DNAH5: variants seen among roughly 807,000 people sequenced by gnomAD.
DNAH5 encodes the protein dynein axonemal heavy chain 5, also known as axonemal beta dynein heavy chain 5.
Under a neutral mutation model 518.2 loss-of-function variants are expected in DNAH5, and 372 were observed. The observed-to-expected ratio is 0.72, with a 90% CI of 0.66 to 0.78. The LOEUF is 0.78. Among genes scored for constraint, DNAH5 ranks in the 30% least tolerant of loss-of-function variants. DNAH5 has a pLI of 0.00. For synonymous variants in DNAH5, 2,039 were observed against 2,025.9 expected, an observed-to-expected ratio of 1.01 and a Z score of -0.17; for missense variants, 5,523 against 5,687.0, an observed-to-expected ratio of 0.97 and a Z score of 0.93.
intron 38 of DNAH5, among the ~76,000 whole-genome samples, chr5:13,826,862 G>A (rs1762955135): frequency 6.6e-6 from 1 of 152,160 alleles, no homozygotes; most frequent in Non-Finnish European, 1.5e-5. Flanking sequence ...AAGAAATGTG[G>A]GAAAGTTTGG....
At chr5:13,852,742 CA>C (rs71600030) in intron 30 of DNAH5, among the ~76,000 whole-genome samples, 56,797 of 151,972 alleles carry the variant, frequency 0.37, 10,888 homozygotes, top group South Asian at 0.47. Flanking sequence ...ACAGTGTTAA[CA>C]AAGCCGCAAA....
intron 3 of DNAH5, among the ~76,000 whole-genome samples, chr5:13,926,234 C>T (rs1315277718): frequency 1.3e-5 from 2 of 152,188 alleles, no homozygotes; most frequent in Non-Finnish European, 2.9e-5. Flanking sequence ...AGACTGGTGG[C>T]TTAGACTACC....
At chr5:13,857,092 T>C (rs1463225780) in intron 30 of DNAH5, among the ~76,000 whole-genome samples, 16 of 152,230 alleles carry the variant, frequency 1.1e-4, no homozygotes, top group Non-Finnish European at 1.8e-4. Flanking sequence ...GCAGATGACA[T>C]GATTGTATAT....
chr5:13,806,609 T>A (rs1759634873), intron 47 of DNAH5, among the ~76,000 whole-genome samples: 1 of 152,244 alleles, frequency 6.6e-6, no homozygotes, highest in South Asian at 2.1e-4. Flanking sequence ...TTGCAATTTA[T>A]GACATGTATC....
chr5:13,864,831 T>C (rs1486674843), intron 27 of DNAH5, among the ~76,000 whole-genome samples, 194 bp from the exon 28 acceptor site: 1 of 152,146 alleles, frequency 6.6e-6, no homozygotes, highest in Non-Finnish European at 1.5e-5. Flanking sequence ...GTCCTCTCCA[T>C]TAGAAAAGAT....
chr5:13,727,652 G>T lies in DNAH5; in HGVS notation c.11888C>A (p.Ser3963Ter). The T allele has an allele frequency of 6.2e-7, 1 of 1,613,614 alleles. No homozygotes were observed. The highest frequency in any genetic ancestry group is 1.3e-5 in the African/African-American group (1 of 74,986). ...RQFSDVLDQI[S>*]RNEKMWKIWF... ...AATTTTCCACATTTTCTCATTTCTC[G>T]ATATCTGAAAATACCATGGGATAAA... is the stretch of plus-strand genomic sequence containing the variant. The change falls in exon 70 of 79, where the codon TCG (serine) becomes TAG (stop). Residue 3963 changes from serine (S) to a stop codon, truncating the protein, a stop_gained. Coordinates refer to ENST00000265104, the MANE Select transcript of DNAH5 (RefSeq NM_001369.3). LOFTEE classifies it high-confidence loss of function.
At chr5:13,777,473 A>C in intron 53 of DNAH5, 118 bp from the exon 54 acceptor site, 1 of 771,068 alleles carries the variant, frequency 1.3e-6, no homozygotes. Flanking sequence ...GTTCTATCGT[A>C]TACGTATGTA....
At chr5:13,742,607 C>A (rs1461299503) in intron 65 of DNAH5, among the ~76,000 whole-genome samples, 1 of 151,980 alleles carries the variant, frequency 6.6e-6, no homozygotes, top group Non-Finnish European at 1.5e-5. Flanking sequence ...CAATCAGTGG[C>A]AAACCATTCA....
At chr5:13,708,595 C>T (rs1743102074) in intron 75 of DNAH5, among the ~76,000 whole-genome samples, 1 of 152,122 alleles carries the variant, frequency 6.6e-6, no homozygotes, top group Non-Finnish European at 1.5e-5. Flanking sequence ...AAATGCATGA[C>T]CACAACCATG....
At chr5:13,902,401 G>A (rs1159659568) in intron 12 of DNAH5, among the ~76,000 whole-genome samples, 2 of 152,194 alleles carry the variant, frequency 1.3e-5, no homozygotes, top group Non-Finnish European at 2.9e-5. Context: ...GGTGGCACTG[G>A]GGCCTTATCG....
intron 31 of DNAH5, among the ~76,000 whole-genome samples, chr5:13,845,502 G>A (rs889833719): frequency 5.9e-5 from 9 of 151,852 alleles, no homozygotes; most frequent in Admixed American, 1.3e-4. Context: ...CAGCTGTGAC[G>A]AGCTCCATGG....
At chr5:13,884,309 AT>A (rs1203590671) in intron 19 of DNAH5, among the ~76,000 whole-genome samples, 1 of 152,278 alleles carries the variant, frequency 6.6e-6, no homozygotes, top group African/African-American at 2.4e-5. Flanking sequence ...TAAAGTATGT[AT>A]TTTTTTCTTT....
Position 13,718,884 on chromosome 5 carries a change from C to T in DNAH5, c.12497G>A (p.Ser4166Asn), listed in dbSNP as rs765004256. ...CTCGCAAGTATTTCTGGACTCACCA[C>T]TATATGTTCTTTTCAGTCCTGCCCG... Reference protein sequence around the residue: ...GLRAGLKRTYSGVSQDLLDVS... With the variant: ...GLRAGLKRTYNGVSQDLLDVS... Residue 4166 changes from serine to asparagine, a missense_variant and splice_region_variant, in exon 72 of 79, where the codon AGT becomes AAT. Transcript: ENST00000265104. The T allele has an allele frequency of 9.3e-6, 15 of 1,610,868 alleles. No homozygotes were observed. In the South Asian group the frequency reaches 1.4e-4, roughly 15 times the overall value.
chr5:13,849,672 C>T (rs887592561), intron 31 of DNAH5, among the ~76,000 whole-genome samples: 2 of 152,094 alleles, frequency 1.3e-5, no homozygotes, highest in Non-Finnish European at 2.9e-5. Context: ...GTCCTTTGAC[C>T]TTAACTTTCT....
chr5:13,778,596 A>AAGAGAGAGAGAGAG (rs199841746), intron 53 of DNAH5, among the ~76,000 whole-genome samples: 4 of 102,152 alleles, frequency 3.9e-5, no homozygotes, highest in Non-Finnish European at 6.0e-5. Flanking sequence ...GAAAGAAAGA[A>AAGAGAGAGAGAGAG]AGAGAGAGAG....
At chr5:13,962,821 C>T (rs1781271687) in intron 1 of DNAH5, among the ~76,000 whole-genome samples, 1 of 152,144 alleles carries the variant, frequency 6.6e-6, no homozygotes, top group Non-Finnish European at 1.5e-5. Flanking sequence ...AAAGAGGGCC[C>T]TGACAAAATT....
At chr5:13,704,424 G>A (rs929750292) in intron 76 of DNAH5, among the ~76,000 whole-genome samples, 4 of 152,134 alleles carry the variant, frequency 2.6e-5, no homozygotes, top group African/African-American at 9.7e-5. Flanking sequence ...ACCAAATACC[G>A]TTTTAAAACC....
chr5:13,859,388 G>T, intron 30 of DNAH5, 64 bp downstream of exon 30: 1 of 1,545,938 alleles, frequency 6.5e-7, no homozygotes, highest in Admixed American at 1.7e-5. Flanking sequence ...ATTATTTAAG[G>T]GGGTAATCGC....
chr5:13,964,904 T>C (rs1781429495), intron 1 of DNAH5, among the ~76,000 whole-genome samples: 1 of 152,236 alleles, frequency 6.6e-6, no homozygotes, highest in South Asian at 2.1e-4. Context: ...CTCCTCTCTT[T>C]TGTCCCCTTT....
Sources: allele counts gnomAD v4.1 joint callset (sites outside exome capture counted in the v4.1 genomes callset), GRCh38; gene constraint gnomAD v4.1.1; transcripts MANE v1.5; gene names NCBI Gene and HGNC (gene_info 2026-07-23, HGNC 2026-07-21).